Variants in HHAT observed in about 807,000 individuals in gnomAD.
HHAT encodes protein-cysteine N-palmitoyltransferase HHAT.
In HHAT, 47 loss-of-function variants were observed where a neutral mutation model predicts 70.8. The ratio of observed to expected loss-of-function variants is 0.66; its 90% CI spans 0.53 to 0.85. The LOEUF (loss-of-function observed/expected upper bound fraction) is 0.85, where lower values mean the gene tolerates loss of function less well. Among genes scored for constraint, HHAT ranks in the 40% least tolerant of loss-of-function variants. The probability of loss-of-function intolerance (pLI) is 0.00; values close to 1 mark genes in which losing one functional copy is unlikely to be tolerated. For synonymous variants in HHAT, 228 were observed against 247.6 expected (o/e 0.92, Z 0.74); for missense variants, 609 against 604.8 (o/e 1.01, Z -0.07).
At chr1:210,363,766 T>G (rs903912388) in intron 3 of HHAT, among the ~76,000 whole-genome samples, 2 of 152,190 alleles carry the variant, frequency 1.3e-5, no homozygotes, top group Non-Finnish European at 2.9e-5. Context: ...GAGCAGTTTG[T>G]TTTGTTTTGT....
chr1:210,591,313 C>T (rs911921478), intron 10 of HHAT, among the ~76,000 whole-genome samples: 7 of 152,100 alleles, frequency 4.6e-5, no homozygotes, highest in African/African-American at 1.7e-4. Context: ...TGAAGTTTGT[C>T]TTCTGTGTCT....
intron 4 of HHAT, among the ~76,000 whole-genome samples, chr1:210,388,478 T>G (rs2091239119): frequency 2.0e-5 from 3 of 152,176 alleles, no homozygotes; most frequent in Admixed American, 2.0e-4. Flanking sequence ...AATTGGCGTT[T>G]CCTGGGCTTG....
chr1:210,540,350 C>T (rs939283582), intron 9 of HHAT, among the ~76,000 whole-genome samples: 4 of 152,072 alleles, frequency 2.6e-5, no homozygotes, highest in Non-Finnish European at 5.9e-5. Context: ...TATGAACATT[C>T]ATACAATGTT....
chr1:210,614,525 T>G (rs1020277614), intron 10 of HHAT, among the ~76,000 whole-genome samples: 5 of 152,196 alleles, frequency 3.3e-5, no homozygotes, highest in African/African-American at 1.2e-4. Flanking sequence ...ACTCATCATT[T>G]ACATTAGGTA....
intron 11 of HHAT, among the ~76,000 whole-genome samples, chr1:210,638,316 T>G (rs1452856824): frequency 1.3e-5 from 2 of 152,220 alleles, no homozygotes; most frequent in Non-Finnish European, 2.9e-5. Context: ...ATATGTGGCA[T>G]ATCCATACAA....
intron 9 of HHAT, among the ~76,000 whole-genome samples, chr1:210,525,581 G>T (rs554915892): frequency 1.3e-5 from 2 of 152,220 alleles, no homozygotes; most frequent in East Asian, 3.9e-4. Context: ...AGAATTATTT[G>T]TCTTCCTAGC....
At chr1:210,571,606 C>G (rs940772368) in intron 9 of HHAT, among the ~76,000 whole-genome samples, 4 of 152,154 alleles carry the variant, frequency 2.6e-5, no homozygotes, top group Admixed American at 2.6e-4. Flanking sequence ...AAGGTAAAGT[C>G]AAGCTCAGTA....
At chr1:210,625,531 A>G (rs1329883224) in intron 11 of HHAT, among the ~76,000 whole-genome samples, 1 of 152,212 alleles carries the variant, frequency 6.6e-6, no homozygotes, top group African/African-American at 2.4e-5. Context: ...TGTATGAGTG[A>G]GTTACTGGAG....
intron 11 of HHAT, among the ~76,000 whole-genome samples, chr1:210,633,434 A>C (rs1180889732): frequency 6.6e-6 from 1 of 152,168 alleles, no homozygotes; most frequent in African/African-American, 2.4e-5. Flanking sequence ...GAAGCAAGGA[A>C]AGCCAGCCTT....
intron 1 of HHAT, among the ~76,000 whole-genome samples, chr1:210,335,358 G>T (rs1268108822): frequency 6.7e-6 from 1 of 149,292 alleles, no homozygotes; most frequent in Non-Finnish European, 1.5e-5. Context: ...AGCATTGAGA[G>T]AAATTAGATT....
chr1:210,556,203 C>A (rs1286630064), intron 9 of HHAT, among the ~76,000 whole-genome samples: 1 of 151,894 alleles, frequency 6.6e-6, no homozygotes, highest in Non-Finnish European at 1.5e-5. Context: ...CAGCCTCCTC[C>A]CATATTGTCT....
At chr1:210,626,901 A>G (rs1183585843) in intron 11 of HHAT, among the ~76,000 whole-genome samples, 1 of 152,186 alleles carries the variant, frequency 6.6e-6, no homozygotes, top group African/African-American at 2.4e-5. Context: ...GTTGTTGACA[A>G]ATGTGCACCT....
intron 2 of HHAT, among the ~76,000 whole-genome samples, chr1:210,354,192 T>C (rs1332208148): frequency 3.4e-5 from 4 of 117,046 alleles, no homozygotes; most frequent in African/African-American, 1.3e-4. Context: ...CTAAACATAA[T>C]GTCTTTTTTT....
At chr1:210,534,449 C>T (rs780102946) in intron 9 of HHAT, among the ~76,000 whole-genome samples, 2 of 151,972 alleles carry the variant, frequency 1.3e-5, no homozygotes, top group Admixed American at 6.6e-5. Context: ...ACAATCCCAC[C>T]CACGTCCTGT....
intron 8 of HHAT, among the ~76,000 whole-genome samples, chr1:210,468,623 T>C (rs2094147817): frequency 6.6e-6 from 1 of 152,170 alleles, no homozygotes; most frequent in South Asian, 2.1e-4. Flanking sequence ...AATAGAATAA[T>C]TTAGGTCCCT....
At chr1:210,667,441 C>A (rs1269928854) in intron 11 of HHAT, among the ~76,000 whole-genome samples, 1 of 151,840 alleles carries the variant, frequency 6.6e-6, no homozygotes, top group Non-Finnish European at 1.5e-5. Context: ...GTCTGAACAC[C>A]CTGAGGCATA....
rs539377147 is a variant in HHAT, at chr1:210,329,026, G to C, written c.-122G>C. The stretch of plus-strand genomic sequence containing the variant: ...GCCGCCGCCGATGTCGCTGGGACTC[G>C]GAAGTGCCGAAAGAGGGGTGTTGGG... On this transcript the variant is annotated 5_prime_UTR_variant, in exon 1 of 12. Coordinates refer to ENST00000261458, the MANE Select transcript of HHAT (RefSeq NM_018194.6). 42 of 1,418,104 alleles carry C rather than the reference G, an allele frequency of 3.0e-5. No individual in the cohort carries two copies. The Admixed American group carries it at 3.7e-4, about 13-fold the overall frequency. The allele number at this position is 1,418,104 out of a possible 1,614,324, so 87.8% of individuals were successfully genotyped here. A position where few individuals can be genotyped will look rare whatever the true frequency, so the allele number is the denominator to read the frequency against.
intron 8 of HHAT, among the ~76,000 whole-genome samples, chr1:210,509,009 C>T (rs1204954430): frequency 6.6e-6 from 1 of 152,186 alleles, no homozygotes. Flanking sequence ...ACTCTGAGTA[C>T]TTCAGCGTAT....
chr1:210,674,500 C>G lies in HHAT; in HGVS notation c.*121C>G. ...ATCTGCTCATCTTCAGTTGAATGCCCTCACTCCAAGACTGGATGCTGGATC... is the reference window on the plus strand; with the variant it reads ...ATCTGCTCATCTTCAGTTGAATGCCGTCACTCCAAGACTGGATGCTGGATC... On this transcript the variant is annotated 3_prime_UTR_variant, in exon 12 of 12. Coordinates refer to ENST00000261458, the MANE Select transcript of HHAT (RefSeq NM_018194.6). 1.4e-6 allele frequency: 1 copy of G among 703,154 alleles called. No homozygotes were observed. The highest frequency in any genetic ancestry group is 2.7e-5 in the East Asian group (1 of 36,430). 43.6% of individuals were successfully genotyped at this position (703,154 alleles called of 1,614,324 possible).
Sources: gnomAD v4.1 joint callset for allele counts (sites outside exome capture counted in the v4.1 genomes callset) on GRCh38, gnomAD v4.1.1 for gene constraint, MANE v1.5 for transcripts, NCBI Gene and HGNC (gene_info 2026-07-23, HGNC 2026-07-21) for gene names.